Variants in CPA6 observed in about 807,000 individuals in gnomAD.
CPA6 encodes the protein carboxypeptidase A6.
Under a neutral mutation model 63.3 loss-of-function variants are expected in CPA6, and 58 were observed. The ratio of observed to expected loss-of-function variants is 0.92; its 90% CI spans 0.74 to 1.14. The LOEUF (loss-of-function observed/expected upper bound fraction) is 1.14, where lower values mean the gene tolerates loss of function less well. Among genes scored for constraint, CPA6 ranks in the 50% most tolerant of loss-of-function variants. The pLI is 0.00. For missense variants in CPA6, 565 were observed against 526.6 expected (o/e 1.07, Z -0.71); for synonymous variants, 185 against 179.0 (o/e 1.03, Z -0.27).
intron 1 of CPA6, among the ~76,000 whole-genome samples, chr8:67,650,936 T>C (rs1055386232): frequency 6.6e-6 from 1 of 152,146 alleles, no homozygotes; most frequent in Non-Finnish European, 1.5e-5. Flanking sequence ...AAGGATATTC[T>C]GAGGCTGCAG....
intron 2 of CPA6, among the ~76,000 whole-genome samples, chr8:67,542,868 C>CT (rs2128971188): frequency 6.6e-6 from 1 of 152,316 alleles, no homozygotes; most frequent in South Asian, 2.1e-4. Context: ...CCTGATCTTT[C>CT]TGAATATTGT....
intron 1 of CPA6, among the ~76,000 whole-genome samples, chr8:67,663,783 T>A (rs1816170575): frequency 6.6e-6 from 1 of 152,206 alleles, no homozygotes; most frequent in Non-Finnish European, 1.5e-5. Context: ...TTGATGGGCA[T>A]TTGGGTTGAT....
chr8:67,449,947 T>C (rs1348184631), intron 8 of CPA6, among the ~76,000 whole-genome samples: 2 of 151,832 alleles, frequency 1.3e-5, no homozygotes, highest in Non-Finnish European at 2.9e-5. Context: ...TCCCTAGTAG[T>C]TGGGATTACA....
chr8:67,605,860 C>T (rs1055831841), intron 2 of CPA6, among the ~76,000 whole-genome samples: 2 of 151,874 alleles, frequency 1.3e-5, no homozygotes, highest in African/African-American at 4.8e-5. Context: ...TCCACTATAC[C>T]CTAAGGCTTT....
In CPA6 at chr8:67,683,640, C is replaced by T. The variant is rs184918228; in HGVS notation, c.117-59389G>A. Among the ~76,000 whole-genome samples the T allele has an allele frequency of 2.4e-3, 360 of 152,200 alleles. 3 individuals carry two copies. The highest frequency in any genetic ancestry group is 8.4e-3 in the African/African-American group (348 of 41,520). ...TTATTTGTCTATTGCAGTCTCTTTGCCTTATATTTATTTGGCCCAAGAGAA... is the reference window on the plus strand; with the variant it reads ...TTATTTGTCTATTGCAGTCTCTTTGTCTTATATTTATTTGGCCCAAGAGAA... On this transcript the variant is annotated intron_variant, in intron 1 of 10. Transcript: ENST00000297770.
rs1046028878 is a variant in CPA6 at position 67,703,148 on chromosome 8, G to A, written c.116+42866C>T. Among the ~76,000 whole-genome samples, 5 of 152,230 alleles carry A rather than the reference G, an allele frequency of 3.3e-5. No individual in the cohort carries two copies. In the South Asian group the frequency reaches 8.3e-4, roughly 25 times the overall value. On this transcript the variant is annotated intron_variant, in intron 1 of 10. Coordinates refer to ENST00000297770, the MANE Select transcript of CPA6 (RefSeq NM_020361.5). The stretch of plus-strand genomic sequence containing the variant: ...GATACCTCTATGCCTCTCCTCCTTT[G>A]GCTGGAGGTGTTCAATCCCTGTACT...
intron 2 of CPA6, among the ~76,000 whole-genome samples, chr8:67,564,313 C>G (rs761104539): frequency 6.6e-6 from 1 of 152,060 alleles, no homozygotes; most frequent in Admixed American, 6.6e-5. Context: ...TGTGATGCTC[C>G]TAAAGCTTTT....
chr8:67,579,156 A>G (rs1462453434), intron 2 of CPA6, among the ~76,000 whole-genome samples: 1 of 152,254 alleles, frequency 6.6e-6, no homozygotes, highest in Non-Finnish European at 1.5e-5. Flanking sequence ...CACGCCTGTA[A>G]TCCCAGCACT....
At chr8:67,648,103 A>T (rs533549555) in intron 1 of CPA6, among the ~76,000 whole-genome samples, 1 of 152,138 alleles carries the variant, frequency 6.6e-6, no homozygotes, top group Non-Finnish European at 1.5e-5. Flanking sequence ...TGGCCCCTAT[A>T]GGGGGCTTAG....
chr8:67,596,337 T>C (rs1007479718), intron 2 of CPA6, among the ~76,000 whole-genome samples: 3 of 152,202 alleles, frequency 2.0e-5, no homozygotes, highest in Admixed American at 6.5e-5. Flanking sequence ...CTTATTATTT[T>C]GCAATTAAAA....
intron 1 of CPA6, among the ~76,000 whole-genome samples, chr8:67,727,598 A>G (rs2623844): frequency 0.14 from 21,217 of 152,138 alleles, 1,678 homozygotes; most frequent in African/African-American, 0.21. Context: ...GGAAAGACTA[A>G]AAGTCTTTCT....
At chr8:67,624,738 C>G (rs1815158600) in intron 1 of CPA6, among the ~76,000 whole-genome samples, 1 of 152,192 alleles carries the variant, frequency 6.6e-6, no homozygotes, top group Non-Finnish European at 1.5e-5. Context: ...AAGCCCATCT[C>G]TATGGGGCAT....
chr8:67,520,923 G>T (rs746964568), intron 2 of CPA6, among the ~76,000 whole-genome samples: 4 of 152,210 alleles, frequency 2.6e-5, no homozygotes, highest in Non-Finnish European at 5.9e-5. Flanking sequence ...GGTCTTTCCT[G>T]TGGGGTTATT....
intron 1 of CPA6, among the ~76,000 whole-genome samples, chr8:67,730,910 G>A (rs758548254): frequency 2.0e-5 from 3 of 152,118 alleles, no homozygotes; most frequent in Non-Finnish European, 4.4e-5. Flanking sequence ...AAGTTATACT[G>A]TATGTTCAAG....
intron 8 of CPA6, among the ~76,000 whole-genome samples, chr8:67,461,166 G>A (rs904043572): frequency 6.9e-6 from 1 of 145,660 alleles, no homozygotes. Context: ...AGATAAACAA[G>A]TGAACAAAGG....
At chr8:67,496,542 TATATA>T (rs1563976155) in intron 6 of CPA6, among the ~76,000 whole-genome samples, 1 of 139,792 alleles carries the variant, frequency 7.2e-6, no homozygotes, top group African/African-American at 2.7e-5. Flanking sequence ...TATATATATA[TATATA>T]TATATATATA....
chr8:67,595,894 C>T lies in CPA6; in HGVS notation c.192+28282G>A, dbSNP rs1463070593. ...GCGCACAGTGTGCTGCACCCACTGTCCTGCGCCCACTGTCTGGCACTCCCC... is the reference window on the plus strand; with the variant it reads ...GCGCACAGTGTGCTGCACCCACTGTTCTGCGCCCACTGTCTGGCACTCCCC... On this transcript the variant is annotated intron_variant, in intron 2 of 10. Coordinates refer to ENST00000297770, the MANE Select transcript of CPA6 (RefSeq NM_020361.5). Among the ~76,000 whole-genome samples the T allele has an allele frequency of 3.3e-5, 5 of 152,274 alleles. No individual in the cohort carries two copies. The South Asian group carries it at 8.3e-4, about 25-fold the overall frequency.
chr8:67,478,510 T>C (rs996331873), intron 8 of CPA6, among the ~76,000 whole-genome samples: 2 of 152,160 alleles, frequency 1.3e-5, no homozygotes, highest in African/African-American at 4.8e-5. Context: ...ACTGAGCCTT[T>C]AACCTGAGGA....
At chr8:67,691,853 T>C (rs1237778994) in intron 1 of CPA6, among the ~76,000 whole-genome samples, 1 of 152,152 alleles carries the variant, frequency 6.6e-6, no homozygotes, top group Non-Finnish European at 1.5e-5. Context: ...TGCTTGGAAG[T>C]GTTATTTGTT....
Sources: allele counts gnomAD v4.1 joint callset (sites outside exome capture counted in the v4.1 genomes callset), GRCh38; gene constraint gnomAD v4.1.1; transcripts MANE v1.5; gene names NCBI Gene and HGNC (gene_info 2026-07-23, HGNC 2026-07-21).